The following UCK2 variants were observed in gnomAD, a reference collection of about 807,000 sequenced individuals.
UCK2 encodes the protein cytidine monophosphokinase 2.
In UCK2, 6 loss-of-function variants were observed where a neutral mutation model predicts 30.8. The observed-to-expected ratio is 0.19, with a 90% confidence interval of 0.11 to 0.38. The LOEUF (loss-of-function observed/expected upper bound fraction) is 0.38. UCK2 is among the 10% of genes least tolerant of loss of function. The pLI, the probability that UCK2 is intolerant of heterozygous loss-of-function variation, is 1.00. For synonymous variants in UCK2, 125 were observed against 133.6 expected (o/e 0.94, Z 0.45); for missense variants, 210 against 339.8 (o/e 0.62, Z 3.00).
intron 1 of UCK2, among the ~76,000 whole-genome samples, chr1:165,829,719 AG>A (rs1653994615): frequency 6.6e-6 from 1 of 152,182 alleles, no homozygotes; most frequent in African/African-American, 2.4e-5. Flanking sequence ...GGGTAAAGTG[AG>A]GGATGGGATA....
intron 1 of UCK2, among the ~76,000 whole-genome samples, chr1:165,839,725 A>G (rs1654277431): frequency 6.6e-6 from 1 of 152,104 alleles, no homozygotes; most frequent in African/African-American, 2.4e-5. Flanking sequence ...GCCACTTTTA[A>G]TCTGTTTCTT....
chr1:165,901,947 CAA>C (rs35032034), intron 4 of UCK2, among the ~76,000 whole-genome samples: 4 of 109,146 alleles, frequency 3.7e-5, no homozygotes, highest in Non-Finnish European at 3.5e-5. Flanking sequence ...CCGTGTCTAC[CAA>C]AAAAAAAAAA....
chr1:165,882,670 G>A (rs1655526819), intron 1 of UCK2, among the ~76,000 whole-genome samples: 2 of 152,152 alleles, frequency 1.3e-5, no homozygotes, highest in South Asian at 4.1e-4. Flanking sequence ...TCTCATGGCA[G>A]AAGAGCAGAA....
At chr1:165,869,471 T>A (rs977550091) in intron 1 of UCK2, among the ~76,000 whole-genome samples, 15 of 152,242 alleles carry the variant, frequency 9.9e-5, no homozygotes, top group South Asian at 4.1e-4. Flanking sequence ...CATACGGTAA[T>A]TCTATATTTA....
At position 165,901,611 on chromosome 1, in the gene UCK2, T is replaced by C. The variant is rs76169280; in HGVS notation, c.500-1571T>C. 3.6e-3 allele frequency among the ~76,000 whole-genome samples: 554 copies of C among 152,304 alleles called. 4 individuals carry two copies. The highest frequency in any genetic ancestry group is 0.013 in the African/African-American group (528 of 41,558). ...GCTGAAGAGCCACTGCAAATGATTG[T>C]AGATGGATGTGGTAACTTTTTGGGG... On this transcript the variant is annotated intron_variant, in intron 4 of 6. Coordinates refer to ENST00000367879, the MANE Select transcript of UCK2 (RefSeq NM_012474.5).
At chr1:165,897,418 G>A (rs1044048442) in intron 4 of UCK2, among the ~76,000 whole-genome samples, 2 of 152,110 alleles carry the variant, frequency 1.3e-5, no homozygotes, top group African/African-American at 2.4e-5. Context: ...GAGTTGAGAT[G>A]AGAAGAGTAT....
intron 1 of UCK2, among the ~76,000 whole-genome samples, chr1:165,835,873 C>CT (rs1654175718): frequency 6.6e-6 from 1 of 152,166 alleles, no homozygotes; most frequent in South Asian, 2.1e-4. Context: ...TCTCATGAAT[C>CT]TAAGTATTTA....
At chr1:165,889,688 C>CT (rs57710760) in intron 1 of UCK2, among the ~76,000 whole-genome samples, 50,404 of 129,568 alleles carry the variant, frequency 0.39, 9,744 homozygotes, top group East Asian at 0.48. Context: ...CTCCGTTAGC[C>CT]TTTTTTTTTT....
intron 5 of UCK2, among the ~76,000 whole-genome samples, chr1:165,904,530 T>G (rs73031410): frequency 0.096 from 14,552 of 152,260 alleles, 2,301 homozygotes; most frequent in African/African-American, 0.33. Flanking sequence ...ATCAGTCATA[T>G]TTAACTGTCA....
intron 1 of UCK2, among the ~76,000 whole-genome samples, chr1:165,878,729 T>G (rs1381268469): frequency 6.6e-6 from 1 of 152,236 alleles, no homozygotes; most frequent in South Asian, 2.1e-4. Context: ...TAGTACATCT[T>G]GGTTGCTTGC....
chr1:165,873,322 G>A (rs1655250124), intron 1 of UCK2, among the ~76,000 whole-genome samples: 1 of 152,166 alleles, frequency 6.6e-6, no homozygotes, highest in South Asian at 2.1e-4. Flanking sequence ...ACATAGGGAG[G>A]GAAGAAACTG....
intron 1 of UCK2, among the ~76,000 whole-genome samples, chr1:165,866,858 G>T (rs1162697552): frequency 6.6e-6 from 1 of 152,164 alleles, no homozygotes; most frequent in Non-Finnish European, 1.5e-5. Context: ...TTAAGGCTAC[G>T]TATCATTGTA....
At chr1:165,888,642 C>CTTTTTTTTTTTTTTTTT (rs60874109) in intron 1 of UCK2, among the ~76,000 whole-genome samples, 13 of 71,016 alleles carry the variant, frequency 1.8e-4, no homozygotes, top group East Asian at 4.1e-4. Flanking sequence ...CTTTCTTCTT[C>CTTTTTTTTTTTTTTTTT]TTTTTTTTTT....
At chr1:165,837,289 C>T (rs1004722273) in intron 1 of UCK2, among the ~76,000 whole-genome samples, 2 of 152,228 alleles carry the variant, frequency 1.3e-5, no homozygotes, top group African/African-American at 4.8e-5. Context: ...CAAGCCCTTA[C>T]ATTTTGACAG....
intron 1 of UCK2, among the ~76,000 whole-genome samples, chr1:165,879,247 A>G (rs1655412742): frequency 6.6e-6 from 1 of 152,098 alleles, no homozygotes; most frequent in African/African-American, 2.4e-5. Context: ...GCCTTTTGCA[A>G]ATGTATTCTC....
intron 4 of UCK2, among the ~76,000 whole-genome samples, chr1:165,898,625 G>A (rs1410050217): frequency 6.6e-6 from 1 of 152,206 alleles, no homozygotes; most frequent in Non-Finnish European, 1.5e-5. Flanking sequence ...GCAGGAACCA[G>A]CACAGGAGAT....
chr1:165,891,918 C>G (rs532484864), intron 3 of UCK2, among the ~76,000 whole-genome samples: 1 of 151,964 alleles, frequency 6.6e-6, no homozygotes, highest in East Asian at 2.0e-4. Flanking sequence ...GAATGGGCTC[C>G]TAGAAGATTG....
chr1:165,890,408 G>T (rs776429379), intron 2 of UCK2, 45 bp downstream of exon 2: 13 of 1,582,776 alleles, frequency 8.2e-6, no homozygotes, highest in African/African-American at 1.4e-5. Context: ...TTGGTGTGTT[G>T]GGGGGAATAG....
At position 165,890,378 on chromosome 1, in the gene UCK2, G is replaced by A; in HGVS notation, c.259+15G>A. Reference sequence around the variant, plus strand: ...TGACCACCCGGGTGAGTCGGGCATTGAAGGGGGTATGTATCTGTATTGGTG... The same window carrying A: ...TGACCACCCGGGTGAGTCGGGCATTAAAGGGGGTATGTATCTGTATTGGTG... On this transcript the variant is annotated intron_variant, in intron 2 of 6. Transcript: ENST00000367879. 6.2e-7 allele frequency: 1 copy of A among 1,613,504 alleles called. No homozygotes were observed. Among genetic ancestry groups the A allele is most frequent in the African/African-American group, 1.3e-5 (1 of 74,898 alleles).
Sources: allele counts gnomAD v4.1 joint callset (sites outside exome capture counted in the v4.1 genomes callset), GRCh38; gene constraint gnomAD v4.1.1; transcripts MANE v1.5; gene names NCBI Gene and HGNC (gene_info 2026-07-23, HGNC 2026-07-21).